KHDRBS2: variants seen among roughly 807,000 people sequenced by gnomAD.
KHDRBS2 encodes the protein KH RNA binding domain containing, signal transduction associated 2.
Under a neutral mutation model 44.3 loss-of-function variants are expected in KHDRBS2, and 26 were observed. The ratio of observed to expected loss-of-function variants is 0.59; its 90% confidence interval spans 0.43 to 0.81. The LOEUF is 0.81. KHDRBS2 is among the 40% of genes least tolerant of loss of function. KHDRBS2 has a pLI of 0.00. For missense variants in KHDRBS2, 476 were observed against 433.1 expected (o/e 1.10, Z -0.88); for synonymous variants, 194 against 151.1 (o/e 1.28, Z -2.08).
At chr6:61,717,563 G>T (rs1441006101) in intron 7 of KHDRBS2, among the ~76,000 whole-genome samples, 1 of 152,014 alleles carries the variant, frequency 6.6e-6, no homozygotes, top group African/African-American at 2.4e-5. Flanking sequence ...AGACATTAGA[G>T]AAATAAATTA....
chr6:61,684,529 G>A (rs1271293030), intron 8 of KHDRBS2, among the ~76,000 whole-genome samples: 1 of 151,824 alleles, frequency 6.6e-6, no homozygotes, highest in Non-Finnish European at 1.5e-5. Context: ...GAATTTTAGA[G>A]TCCTGTTTTT....
intron 6 of KHDRBS2, among the ~76,000 whole-genome samples, chr6:61,892,110 GACAA>G (rs745532463): frequency 5.9e-5 from 9 of 152,222 alleles, no homozygotes; most frequent in African/African-American, 1.4e-4. Flanking sequence ...ACCAATAACA[GACAA>G]ACAGAGAGCC....
At chr6:62,262,631 C>G (rs1215242173) in intron 1 of KHDRBS2, among the ~76,000 whole-genome samples, 1 of 151,690 alleles carries the variant, frequency 6.6e-6, no homozygotes, top group Admixed American at 6.6e-5. Context: ...TCTAACCTAT[C>G]TGAAATTCTG....
chr6:61,760,545 C>A (rs1451298953), intron 6 of KHDRBS2, among the ~76,000 whole-genome samples: 2 of 151,832 alleles, frequency 1.3e-5, no homozygotes, highest in South Asian at 2.1e-4. Context: ...GTGGGAGGAT[C>A]ACCCAAACCT....
intron 6 of KHDRBS2, among the ~76,000 whole-genome samples, chr6:61,760,893 C>T (rs1337565547): frequency 2.6e-5 from 4 of 152,110 alleles, no homozygotes; most frequent in African/African-American, 9.7e-5. Flanking sequence ...AATGCTTGAA[C>T]AGTTTTGAAA....
chr6:61,930,491 T>TTGGGAA (rs2041464059), intron 4 of KHDRBS2, among the ~76,000 whole-genome samples: 1 of 127,548 alleles, frequency 7.8e-6, no homozygotes, highest in Admixed American at 9.3e-5. Flanking sequence ...TCTGAATGTA[T>TTGGGAA]TGGGAAGTGA....
In KHDRBS2 at chr6:61,777,329, A is replaced by T. The variant is rs533626117; in HGVS notation, c.811-44565T>A. Among the ~76,000 whole-genome samples, 3 of 152,170 alleles carry T rather than the reference A, an allele frequency of 2.0e-5. No individual in the cohort carries two copies. In the South Asian group the frequency reaches 6.2e-4, roughly 32 times the overall value. ...AAAAAATTCCACTGGGTCTAACAAA[A>T]TACAAATTTACAGTTTTTATTTTTA... On this transcript the variant is annotated intron_variant, in intron 6 of 8. Coordinates refer to ENST00000281156, the MANE Select transcript of KHDRBS2 (RefSeq NM_152688.4).
the KHDRBS2 span, among the ~76,000 whole-genome samples, chr6:61,652,863 A>G: frequency 6.6e-6 from 1 of 152,090 alleles, no homozygotes; most frequent in African/African-American, 2.4e-5. Context: ...TCTAGAAGAC[A>G]TTTAGTTTAC....
At chr6:62,074,773 G>A (rs760383059) in intron 2 of KHDRBS2, among the ~76,000 whole-genome samples, 2 of 151,884 alleles carry the variant, frequency 1.3e-5, no homozygotes, top group Non-Finnish European at 1.5e-5. Context: ...TGAGCTAAAT[G>A]TTCTCTTCAT....
intron 6 of KHDRBS2, among the ~76,000 whole-genome samples, chr6:61,743,161 C>G (rs560877877): frequency 1.1e-3 from 164 of 152,106 alleles, no homozygotes; most frequent in African/African-American, 3.8e-3. Flanking sequence ...TAATAATATA[C>G]AATTCAAGTG....
intron 1 of KHDRBS2, among the ~76,000 whole-genome samples, chr6:62,243,978 T>C (rs1171156854): frequency 6.6e-6 from 1 of 152,200 alleles, no homozygotes; most frequent in Admixed American, 6.6e-5. Context: ...TATCAAGTAT[T>C]ATTTTCCTCT....
At chr6:62,108,399 A>G (rs1427616654) in intron 2 of KHDRBS2, among the ~76,000 whole-genome samples, 1 of 152,216 alleles carries the variant, frequency 6.6e-6, no homozygotes, top group Non-Finnish European at 1.5e-5. Flanking sequence ...ACAATGAAAT[A>G]CCATCTCACA....
chr6:62,028,985 T>A (rs887394190), intron 3 of KHDRBS2, among the ~76,000 whole-genome samples: 1 of 152,022 alleles, frequency 6.6e-6, no homozygotes, highest in African/African-American at 2.4e-5. Flanking sequence ...AGTTCAATTA[T>A]TCAGGGAAAC....
At chr6:62,027,568 T>C (rs1195284006) in intron 3 of KHDRBS2, among the ~76,000 whole-genome samples, 1 of 152,112 alleles carries the variant, frequency 6.6e-6, no homozygotes, top group Non-Finnish European at 1.5e-5. Flanking sequence ...GCCAGGGTAA[T>C]TTATCATGTG....
chr6:61,868,876 G>A (rs1230720648), intron 6 of KHDRBS2, among the ~76,000 whole-genome samples: 1 of 152,158 alleles, frequency 6.6e-6, no homozygotes, highest in Non-Finnish European at 1.5e-5. Flanking sequence ...CCTTGGACTG[G>A]AGCATGTAAA....
intron 7 of KHDRBS2, among the ~76,000 whole-genome samples, chr6:61,701,699 A>G (rs1192905423): frequency 6.6e-6 from 1 of 151,966 alleles, no homozygotes; most frequent in African/African-American, 2.4e-5. Context: ...AAAACAAAAC[A>G]AAACAAAACA....
At chr6:61,559,519 G>A in the KHDRBS2 span, among the ~76,000 whole-genome samples, 4 of 152,008 alleles carry the variant, frequency 2.6e-5, no homozygotes, top group African/African-American at 7.2e-5. Context: ...TTTAAAGAAG[G>A]TAATTTTCTC....
chr6:62,069,039 T>C (rs1179652505), intron 2 of KHDRBS2, among the ~76,000 whole-genome samples: 2 of 151,638 alleles, frequency 1.3e-5, no homozygotes, highest in African/African-American at 2.4e-5. Context: ...ACTAGGGATT[T>C]TGATACAGAT....
chr6:61,614,657 C>G, the KHDRBS2 span, among the ~76,000 whole-genome samples: 1 of 152,074 alleles, frequency 6.6e-6, no homozygotes, highest in Non-Finnish European at 1.5e-5. Context: ...CATTTTTATT[C>G]TAGATAGAGG....
Sources: gnomAD v4.1 joint callset for allele counts (sites outside exome capture counted in the v4.1 genomes callset) on GRCh38, gnomAD v4.1.1 for gene constraint, MANE v1.5 for transcripts, NCBI Gene and HGNC (gene_info 2026-07-23, HGNC 2026-07-21) for gene names.